Variants in ZNF423 observed in about 807,000 individuals in gnomAD.
ZNF423 encodes the protein zinc finger protein 423, also known as Ebf-associated zinc finger protein.
A neutral mutation model predicts 95.8 loss-of-function variants in ZNF423; 12 were observed. The observed-to-expected ratio is 0.13, with a 90% CI of 0.08 to 0.20. The LOEUF (loss-of-function observed/expected upper bound fraction) is 0.20. Ranked by LOEUF, ZNF423 falls within the 10% of genes least tolerant of loss-of-function variation. ZNF423 has a pLI of 1.00. For missense variants in ZNF423, 1,316 were observed against 1,737.1 expected (o/e 0.76, Z 4.31); for synonymous variants, 749 against 711.9 (o/e 1.05, Z -0.83).
At chr16:49,732,974 T>C (rs577972693) in intron 2 of ZNF423, among the ~76,000 whole-genome samples, 1 of 152,336 alleles carries the variant, frequency 6.6e-6, no homozygotes, top group Admixed American at 6.5e-5. Context: ...GATGTACAGT[T>C]TTTAGGTTCT....
intron 5 of ZNF423, among the ~76,000 whole-genome samples, chr16:49,531,456 C>T (rs189154579): frequency 6.6e-6 from 1 of 152,004 alleles, no homozygotes; most frequent in Non-Finnish European, 1.5e-5. Flanking sequence ...CAGGAGAGGA[C>T]CCCTCCGACA....
At chr16:49,633,146 G>A (rs147914756) in intron 4 of ZNF423, among the ~76,000 whole-genome samples, 115 of 152,332 alleles carry the variant, frequency 7.5e-4, no homozygotes, top group South Asian at 3.3e-3. Context: ...CTCAGCTCTC[G>A]AAAGCTGGGG....
intron 7 of ZNF423, among the ~76,000 whole-genome samples, chr16:49,501,248 T>A (rs1967387165): frequency 6.6e-6 from 1 of 152,058 alleles, no homozygotes; most frequent in Non-Finnish European, 1.5e-5. Flanking sequence ...CCCAGTGGGG[T>A]CTGTGTCAGC....
At chr16:49,596,964 C>T (rs1971200894) in intron 5 of ZNF423, among the ~76,000 whole-genome samples, 1 of 152,224 alleles carries the variant, frequency 6.6e-6, no homozygotes, top group African/African-American at 2.4e-5. Flanking sequence ...GGGGTTTCGG[C>T]CACGTGGCTC....
At chr16:49,647,164 A>G (rs1478898670) in intron 3 of ZNF423, among the ~76,000 whole-genome samples, 4 of 152,198 alleles carry the variant, frequency 2.6e-5, no homozygotes, top group African/African-American at 9.7e-5. Flanking sequence ...CAAGCACAGT[A>G]CCAGGCCCCG....
chr16:49,526,814 C>T (rs1225681922), intron 5 of ZNF423, among the ~76,000 whole-genome samples: 3 of 152,226 alleles, frequency 2.0e-5, no homozygotes, highest in African/African-American at 7.2e-5. Flanking sequence ...TGAGCTAATA[C>T]ATGCACAGGG....
At chr16:49,817,017 G>A (rs1257937526) in intron 1 of ZNF423, among the ~76,000 whole-genome samples, 1 of 152,200 alleles carries the variant, frequency 6.6e-6, no homozygotes, top group African/African-American at 2.4e-5. Flanking sequence ...TTTTAGATAA[G>A]AAGCTGCTAA....
At chr16:49,694,601 T>C (rs2031901966) in intron 3 of ZNF423, among the ~76,000 whole-genome samples, 1 of 152,186 alleles carries the variant, frequency 6.6e-6, no homozygotes, top group Non-Finnish European at 1.5e-5. Flanking sequence ...CCATTCTTAA[T>C]ACCCCCAGAC....
chr16:49,629,760 G>T (rs979232739), intron 4 of ZNF423, among the ~76,000 whole-genome samples: 1 of 152,214 alleles, frequency 6.6e-6, no homozygotes, highest in African/African-American at 2.4e-5. Flanking sequence ...ACATAAAGTT[G>T]CAGAATAACA....
intron 1 of ZNF423, among the ~76,000 whole-genome samples, chr16:49,810,594 C>T (rs949608777): frequency 2.0e-5 from 3 of 152,192 alleles, no homozygotes; most frequent in African/African-American, 7.2e-5. Context: ...CCCTCACTCC[C>T]AGCTCAGGGC....
intron 3 of ZNF423, among the ~76,000 whole-genome samples, chr16:49,722,173 T>A (rs1480855990): frequency 1.3e-5 from 2 of 152,046 alleles, no homozygotes; most frequent in East Asian, 3.9e-4. Context: ...TGGTTCCCCA[T>A]CAGAAGCCAT....
In ZNF423 at chr16:49,800,998, A is replaced by G. The variant is rs539894180; in HGVS notation, c.41-11452T>C. ...ATATCACAAAGCCACCTGATGTGGC[A>G]ATGTTAGTGGAAAGCCAGAATCAGG... On this transcript the variant is annotated intron_variant, in intron 1 of 7. Coordinates refer to ENST00000563137, the MANE Select transcript of ZNF423 (RefSeq NM_001379286.1). Among the ~76,000 whole-genome samples, 10 of 152,384 alleles carry G rather than the reference A, an allele frequency of 6.6e-5. No homozygotes were observed. The South Asian group carries it at 2.1e-3, about 32-fold the overall frequency.
intron 5 of ZNF423, among the ~76,000 whole-genome samples, chr16:49,527,829 C>T (rs1968674181): frequency 6.6e-6 from 1 of 152,110 alleles, no homozygotes; most frequent in Non-Finnish European, 1.5e-5. Flanking sequence ...CATCGTACAC[C>T]ACCGCCAGGC....
In ZNF423 at chr16:49,637,331, C is replaced by G. The variant is rs61755181; in HGVS notation, c.1845G>C (p.Ser615=). The change falls in exon 4 of 8, where the codon TCG becomes TCC. Residue 615 remains serine, a synonymous_variant. Coordinates refer to ENST00000563137, the MANE Select transcript of ZNF423 (RefSeq NM_001379286.1). The surrounding 1 kb of genome is among the most constrained non-coding windows in gnomAD (Gnocchi z 5.6). The stretch of plus-strand genomic sequence containing the variant: ...TCGGGGAAGACACCTCCACATCGGA[C>G]GAGACTGGGCTCTGCTCGGCCTTGG... ...KKSKAEQSPV[S]SDVEVSSPKR... 1.2e-6 allele frequency: 2 copies of G among 1,614,190 alleles called. No homozygotes were observed. The highest frequency in any genetic ancestry group is 2.2e-5 in the East Asian group (1 of 44,880).
At chr16:49,795,542 G>A (rs920091860) in intron 1 of ZNF423, among the ~76,000 whole-genome samples, 2 of 152,188 alleles carry the variant, frequency 1.3e-5, no homozygotes, top group Non-Finnish European at 2.9e-5. Flanking sequence ...TCAGAGATGG[G>A]ATCCTTCCCA....
intron 7 of ZNF423, among the ~76,000 whole-genome samples, chr16:49,519,099 A>G (rs1968279088): frequency 6.6e-6 from 1 of 152,172 alleles, no homozygotes; most frequent in Admixed American, 6.5e-5. Flanking sequence ...ACATTGTAAC[A>G]TGTATCTGCA....
chr16:49,854,201 C>T (rs1216620560), intron 1 of ZNF423: 4 of 985,232 alleles, frequency 4.1e-6, no homozygotes, highest in African/African-American at 1.7e-5. Context: ...GATTGGGAGA[C>T]CAGCCAGGGT....
chr16:49,692,656 G>A (rs1040527729), intron 3 of ZNF423, among the ~76,000 whole-genome samples: 2 of 152,246 alleles, frequency 1.3e-5, no homozygotes, highest in Non-Finnish European at 2.9e-5. Flanking sequence ...GGATGAGGAG[G>A]AGGCAGGGGA....
rs2031355468 is a variant in ZNF423, at chr16:49,681,539, A to T, written c.302-42665T>A. Among the ~76,000 whole-genome samples the T allele has an allele frequency of 1.3e-5, 2 of 152,336 alleles. 1 individual carries two copies. Among genetic ancestry groups the T allele is most frequent in the South Asian group, 4.1e-4 (2 of 4,828 alleles). On this transcript the variant is annotated intron_variant, in intron 3 of 7. Transcript: ENST00000563137. ...GAAGGATGGACTGGGAGATTAAATG[A>T]CAGGGTGTGTGCAGCAAAGTAGAGA... is the stretch of plus-strand genomic sequence containing the variant.
Sources: allele counts gnomAD v4.1 joint callset (sites outside exome capture counted in the v4.1 genomes callset), GRCh38; gene constraint gnomAD v4.1.1; non-coding constraint Gnocchi (gnomAD v3.1); transcripts MANE v1.5; gene names NCBI Gene and HGNC (gene_info 2026-07-23, HGNC 2026-07-21).